The following MTCL3 variants were observed in gnomAD, a reference collection of about 807,000 sequenced individuals.
MTCL3 encodes the protein MTCL family member 3.
chr6:127,512,882 A>G, the MTCL3 span: 2 of 1,606,206 alleles, frequency 1.2e-6, no homozygotes, highest in Non-Finnish European at 1.7e-6. Context: ...GAAATAATCA[A>G]ATACTAACCT....
chr6:127,479,902 C>T, the MTCL3 span, among the ~76,000 whole-genome samples: 1 of 152,098 alleles, frequency 6.6e-6, no homozygotes, highest in African/African-American at 2.4e-5. Flanking sequence ...AAATATCATA[C>T]ATAATTATTG....
At chr6:127,503,970 T>C in the MTCL3 span, among the ~76,000 whole-genome samples, 1 of 152,148 alleles carries the variant, frequency 6.6e-6, no homozygotes, top group Non-Finnish European at 1.5e-5. Context: ...CCCTGTTCTG[T>C]TTTGGTTGTT....
At chr6:127,507,506 G>C in the MTCL3 span, among the ~76,000 whole-genome samples, 12 of 152,110 alleles carry the variant, frequency 7.9e-5, no homozygotes, top group Admixed American at 1.3e-4. Context: ...GAATATTAAA[G>C]ATCACTTCAG....
At chr6:127,477,612 C>G in the MTCL3 span, among the ~76,000 whole-genome samples, 2,639 of 152,320 alleles carry the variant, frequency 0.017, 34 homozygotes, top group Middle Eastern at 0.034. Context: ...TAATGAGCTT[C>G]TGCCAGAGAT....
chr6:127,516,686 C>T, the MTCL3 span: 1 of 1,517,948 alleles, frequency 6.6e-7, no homozygotes, highest in South Asian at 1.2e-5. Flanking sequence ...TCACCGCCGC[C>T]AACCTTCCTT....
the MTCL3 span, among the ~76,000 whole-genome samples, chr6:127,476,642 A>G: frequency 6.6e-6 from 1 of 152,236 alleles, no homozygotes; most frequent in African/African-American, 2.4e-5. The surrounding 1 kb of genome is among the most constrained non-coding windows in gnomAD (Gnocchi z 4.4). Flanking sequence ...TTCTCTGGCA[A>G]ATTAAAGATT....
At chr6:127,482,835 T>G in the MTCL3 span, 1 of 1,089,146 alleles carries the variant, frequency 9.2e-7, no homozygotes, top group East Asian at 2.6e-5. The surrounding 1 kb of genome is among the most constrained non-coding windows in gnomAD (Gnocchi z 4.1). Flanking sequence ...GGCCATTATA[T>G]CTATTTATAA....
At chr6:127,488,375 T>A in the MTCL3 span, among the ~76,000 whole-genome samples, 13 of 152,344 alleles carry the variant, frequency 8.5e-5, no homozygotes, top group South Asian at 2.3e-3. Context: ...ACCAACTGAC[T>A]TGTATATTTG....
the MTCL3 span, chr6:127,475,518 C>G: frequency 9.9e-6 from 16 of 1,613,182 alleles, no homozygotes; most frequent in Non-Finnish European, 1.3e-5. The surrounding 1 kb of genome is among the most constrained non-coding windows in gnomAD (Gnocchi z 7.3). Context: ...TGATGGTGCT[C>G]GTGTCGGCGA....
the MTCL3 span, among the ~76,000 whole-genome samples, chr6:127,490,164 C>T: frequency 6.6e-6 from 1 of 152,098 alleles, no homozygotes; most frequent in African/African-American, 2.4e-5. Flanking sequence ...AAGGACAAAG[C>T]CTTTATGACA....
the MTCL3 span, among the ~76,000 whole-genome samples, chr6:127,510,587 G>C: frequency 9.2e-5 from 14 of 152,096 alleles, no homozygotes; most frequent in African/African-American, 2.7e-4. Flanking sequence ...CAATTTTTCA[G>C]GTATCCACTT....
At chr6:127,510,443 C>T in the MTCL3 span, among the ~76,000 whole-genome samples, 2 of 152,184 alleles carry the variant, frequency 1.3e-5, no homozygotes, top group Non-Finnish European at 2.9e-5. Context: ...TCCTGGTGGC[C>T]AGATTATTTT....
the MTCL3 span, chr6:127,475,413 G>A: frequency 1.2e-6 from 2 of 1,613,260 alleles, no homozygotes; most frequent in Non-Finnish European, 1.7e-6. This position sits in a 1 kb window ranked among gnomAD's most constrained non-coding sequence, Gnocchi z 7.3. Flanking sequence ...TGATGCGGTA[G>A]AGCAGCTCGT....
the MTCL3 span, among the ~76,000 whole-genome samples, chr6:127,499,953 T>C: frequency 6.6e-6 from 1 of 152,182 alleles, no homozygotes; most frequent in Non-Finnish European, 1.5e-5. Context: ...CCTACTCAAC[T>C]GTTAGTTTTC....
chr6:127,490,635 G>C, the MTCL3 span, among the ~76,000 whole-genome samples: 1,966 of 151,986 alleles, frequency 0.013, 57 homozygotes, highest in African/African-American at 0.045. Flanking sequence ...TGGCCAACAC[G>C]GTGAAACTCC....
the MTCL3 span, among the ~76,000 whole-genome samples, chr6:127,474,336 G>T: frequency 6.6e-6 from 1 of 152,020 alleles, no homozygotes; most frequent in Admixed American, 6.6e-5. Flanking sequence ...GGAGGGCAGT[G>T]GTGTAATCTT....
the MTCL3 span, chr6:127,515,109 C>A: frequency 7.8e-4 from 1,084 of 1,385,756 alleles, 7 homozygotes; most frequent in African/African-American, 0.014. This position sits in a 1 kb window ranked among gnomAD's most constrained non-coding sequence, Gnocchi z 4.3. Context: ...CGACACACAC[C>A]GTACACACCC....
chr6:127,501,833 A>G, the MTCL3 span, among the ~76,000 whole-genome samples: 1 of 152,228 alleles, frequency 6.6e-6, no homozygotes. Flanking sequence ...CTGAAATGTA[A>G]AAAATGGAAT....
the MTCL3 span, among the ~76,000 whole-genome samples, chr6:127,507,840 C>A: frequency 1.6e-5 from 1 of 63,280 alleles, no homozygotes; most frequent in Non-Finnish European, 2.7e-5. Flanking sequence ...AAGACTATGT[C>A]TCAAAAAAAA....
Sources: allele counts gnomAD v4.1 joint callset (sites outside exome capture counted in the v4.1 genomes callset), GRCh38; gene constraint gnomAD v4.1.1; non-coding constraint Gnocchi (gnomAD v3.1); transcripts MANE v1.5; gene names NCBI Gene and HGNC (gene_info 2026-07-23, HGNC 2026-07-21).